TTBK2: variants seen among roughly 807,000 people sequenced by gnomAD.
TTBK2 encodes tau-tubulin kinase 2.
A neutral mutation model predicts 110.8 loss-of-function variants in TTBK2; 28 were observed. The observed-to-expected ratio is 0.25, with a 90% CI of 0.19 to 0.35. The LOEUF (loss-of-function observed/expected upper bound fraction) is 0.35, where lower values mean the gene tolerates loss of function less well. Among genes scored for constraint, TTBK2 ranks in the 10% least tolerant of loss-of-function variants. TTBK2 has a pLI of 1.00. For missense variants in TTBK2, 1,369 were observed against 1,500.3 expected (o/e 0.91, Z 1.45); for synonymous variants, 532 against 527.3 (o/e 1.01, Z -0.12).
rs114933480 is a variant in TTBK2 at position 42,834,449 on chromosome 15, G to A, written c.292-4371C>T. Among the ~76,000 whole-genome samples, 260 of 152,136 alleles carry A rather than the reference G, an allele frequency of 1.7e-3. 1 individual carries two copies. The highest frequency in any genetic ancestry group is 5.9e-3 in the African/African-American group (245 of 41,494). On this transcript the variant is annotated intron_variant, in intron 4 of 14. Coordinates refer to ENST00000267890, the MANE Select transcript of TTBK2 (RefSeq NM_173500.4). Reference sequence around the variant, plus strand: ...CCATTAAAAGGAGCCAAGGCTTAACGGAGAAATGGCTGATTCCAGATCTGG... The same window carrying A: ...CCATTAAAAGGAGCCAAGGCTTAACAGAGAAATGGCTGATTCCAGATCTGG...
At chr15:42,836,181 G>C (rs1460165341) in intron 4 of TTBK2, among the ~76,000 whole-genome samples, 2 of 152,114 alleles carry the variant, frequency 1.3e-5, no homozygotes, top group East Asian at 3.8e-4. Flanking sequence ...ACAACTGCTT[G>C]AGCTCTGTAA....
chr15:42,816,113 T>TATATATATAC (rs1567040901), intron 7 of TTBK2, among the ~76,000 whole-genome samples: 3 of 125,288 alleles, frequency 2.4e-5, no homozygotes, highest in African/African-American at 9.9e-5. Context: ...TATATATATA[T>TATATATATAC]ATATATGTGT....
In TTBK2 at chr15:42,752,118, G is replaced by A; in HGVS notation, c.3128C>T (p.Pro1043Leu). The A allele has an allele frequency of 6.2e-7, 1 of 1,614,136 alleles. No homozygotes were observed. The highest frequency in any genetic ancestry group is 8.5e-7 in the Non-Finnish European group (1 of 1,180,020). The change falls in exon 14 of 15, where the codon CCC (proline) becomes CTC (leucine). Residue 1043 changes from proline to leucine, a missense_variant. Around this residue, in one of 4 missense-constraint regions of TTBK2, gnomAD observed 1,097 missense variants for 1,114.7 expected, o/e 0.98. Coordinates refer to ENST00000267890, the MANE Select transcript of TTBK2 (RefSeq NM_173500.4). Reference protein sequence around the residue: ...SRSAEDSFLSPIISQSRKSKI... With the variant: ...SRSAEDSFLSLIISQSRKSKI... ...GCTCTTTCTAGACTGGGAGATGATG[G>A]GTGACAGAAAGCTATCTTCAGCTGA...
intron 10 of TTBK2, among the ~76,000 whole-genome samples, chr15:42,785,237 G>A (rs540120173): frequency 3.3e-5 from 5 of 149,572 alleles, no homozygotes; most frequent in Non-Finnish European, 7.4e-5. Flanking sequence ...CTCCTGCCTC[G>A]GCCTCCCAAA....
chr15:42,898,020 T>A (rs974409217), intron 1 of TTBK2, among the ~76,000 whole-genome samples: 2 of 151,924 alleles, frequency 1.3e-5, no homozygotes, highest in Non-Finnish European at 2.9e-5. Flanking sequence ...TGAAACTCCA[T>A]ATCTATAAAA....
In TTBK2 at chr15:42,748,219, G is replaced by C. The variant is rs146527732; in HGVS notation, c.3273-1962C>G. ...CACCTGTAATCCCAGCACTTTGGGG[G>C]GTTGAGGTGGGTGGATAGCTTGAGG... On this transcript the variant is annotated intron_variant, in intron 14 of 14. Transcript: ENST00000267890. 7.5e-4 allele frequency among the ~76,000 whole-genome samples: 114 copies of C among 152,246 alleles called. 1 individual carries two copies. Among genetic ancestry groups the C allele is most frequent in the Middle Eastern group, 3.4e-3 (1 of 294 alleles).
chr15:42,803,388 A>G (rs1370888750), intron 9 of TTBK2, among the ~76,000 whole-genome samples: 3 of 152,220 alleles, frequency 2.0e-5, no homozygotes, highest in African/African-American at 7.2e-5. Context: ...TATGCAATCC[A>G]TCATTGACTG....
At chr15:42,880,071 T>C (rs750453638) in intron 1 of TTBK2, among the ~76,000 whole-genome samples, 4 of 151,604 alleles carry the variant, frequency 2.6e-5, no homozygotes, top group Non-Finnish European at 5.9e-5. Context: ...CTTCTGTGAA[T>C]GCATCTCGTG....
chr15:42,798,260 T>A (rs539191948), intron 9 of TTBK2: 39 of 456,232 alleles, frequency 8.5e-5, no homozygotes, highest in African/African-American at 7.6e-4. Context: ...ACTGTGGCAG[T>A]AATTCTCAAA....
At chr15:42,811,807 A>T in intron 7 of TTBK2, 27 bp from the exon 8 acceptor site, 3 of 1,596,266 alleles carry the variant, frequency 1.9e-6, no homozygotes, top group Non-Finnish European at 2.6e-6. Context: ...GAATCCAGTC[A>T]CATAACATTA....
intron 3 of TTBK2, among the ~76,000 whole-genome samples, chr15:42,858,610 G>A (rs1050319284): frequency 7.9e-5 from 12 of 152,174 alleles, no homozygotes; most frequent in Admixed American, 3.9e-4. Context: ...CTATCAACAA[G>A]TACAAAGCCG....
Position 42,831,100 on chromosome 15 carries a change from T to C in TTBK2, c.292-1022A>G, listed in dbSNP as rs571956703. ...ACATACAAAGGGCACTAATTCCTCATTACTGCCTAACATATATTCTCATAC... is the reference window on the plus strand; with the variant it reads ...ACATACAAAGGGCACTAATTCCTCACTACTGCCTAACATATATTCTCATAC... On this transcript the variant is annotated intron_variant, in intron 4 of 14. Coordinates refer to ENST00000267890, the MANE Select transcript of TTBK2 (RefSeq NM_173500.4). Among the ~76,000 whole-genome samples the C allele has an allele frequency of 7.2e-5, 11 of 152,050 alleles. No individual in the cohort carries two copies. The East Asian group carries it at 1.9e-3, about 27-fold the overall frequency.
In TTBK2 at chr15:42,816,090, ATATATATATAT is replaced by A. The variant is rs1567040846; in HGVS notation, c.603+931_603+941del. 7.6e-4 allele frequency among the ~76,000 whole-genome samples: 74 copies of A among 96,802 alleles called. 1 individual carries two copies. Among genetic ancestry groups the A allele is most frequent in the African/African-American group, 3.8e-3 (71 of 18,750 alleles). 63.5% of individuals were successfully genotyped at this position (96,802 alleles called of 152,430 possible). ...TATATAAAAATAAATAAATAAATAT[ATATATATATAT>A]ATATATATATATATATATGTGTATA... On this transcript the variant is annotated intron_variant, in intron 7 of 14. Transcript: ENST00000267890.
chr15:42,796,752 T>C (rs891666922), intron 9 of TTBK2, among the ~76,000 whole-genome samples: 1 of 152,212 alleles, frequency 6.6e-6, no homozygotes, highest in Non-Finnish European at 1.5e-5. Context: ...TCATTGTGTC[T>C]CCAGGATCTC....
chr15:42,866,227 CA>C lies in TTBK2; in HGVS notation c.217+6383del, dbSNP rs1003444817. 7.9e-5 allele frequency among the ~76,000 whole-genome samples: 12 copies of C among 152,200 alleles called. 1 individual carries two copies. In the South Asian group the frequency reaches 2.3e-3, roughly 29 times the overall value. On this transcript the variant is annotated intron_variant, in intron 3 of 14. Coordinates refer to ENST00000267890, the MANE Select transcript of TTBK2 (RefSeq NM_173500.4). ...GCTGAGGCAGGAGGATCACTGAAGT[CA>C]GGGGTTCAGGACCAGCCTGAACAAC...
chr15:42,839,837 C>G (rs1893148619), intron 4 of TTBK2, among the ~76,000 whole-genome samples: 1 of 152,134 alleles, frequency 6.6e-6, no homozygotes, highest in African/African-American at 2.4e-5. Flanking sequence ...CTTCACCTTC[C>G]TTGCTAATGT....
chr15:42,814,334 T>G (rs914739148), intron 7 of TTBK2, among the ~76,000 whole-genome samples: 16 of 152,164 alleles, frequency 1.1e-4, no homozygotes, highest in African/African-American at 3.9e-4. Context: ...ATCCCAGCAC[T>G]TTCGGGGGCC....
chr15:42,843,737 C>T (rs1241922475), intron 3 of TTBK2, among the ~76,000 whole-genome samples: 8 of 125,852 alleles, frequency 6.4e-5, no homozygotes, highest in Middle Eastern at 5.3e-3. Context: ...CCAGCCTGGG[C>T]GACAGAGAGA....
At position 42,855,451 on chromosome 15, in the gene TTBK2, C is replaced by G. The variant is rs185684728; in HGVS notation, c.218-15018G>C. 2.3e-4 allele frequency among the ~76,000 whole-genome samples: 35 copies of G among 152,274 alleles called. No homozygotes were observed. The East Asian group carries it at 6.6e-3, about 29-fold the overall frequency. On this transcript the variant is annotated intron_variant, in intron 3 of 14. Coordinates refer to ENST00000267890, the MANE Select transcript of TTBK2 (RefSeq NM_173500.4). ...TTTAAGGAACATCTGAAATACTCTG[C>G]TGTGCCAGAAAACAAGGATGACATC... is the stretch of plus-strand genomic sequence containing the variant.
Sources: allele counts gnomAD v4.1 joint callset (sites outside exome capture counted in the v4.1 genomes callset), GRCh38; gene constraint gnomAD v4.1.1; regional missense constraint gnomAD v4.1.1; transcripts MANE v1.5; gene names NCBI Gene and HGNC (gene_info 2026-07-23, HGNC 2026-07-21).